ATP8B1: variants seen among roughly 807,000 people sequenced by gnomAD.
The protein encoded by ATP8B1 is phospholipid-transporting ATPase IC.
ATP8B1 carries 80 observed loss-of-function variants against 149.9 expected under a neutral mutation model. That is an observed-to-expected ratio of 0.53 (90% CI 0.45 to 0.64). The LOEUF is 0.64. Among genes scored for constraint, ATP8B1 ranks in the 30% least tolerant of loss-of-function variants. ATP8B1 has a pLI of 0.00. For missense variants in ATP8B1, 1,247 were observed against 1,552.6 expected (o/e 0.80, Z 3.31); for synonymous variants, 536 against 562.8 (o/e 0.95, Z 0.67).
intron 2 of ATP8B1, among the ~76,000 whole-genome samples, chr18:57,721,560 A>T (rs1216050676): frequency 6.6e-6 from 1 of 152,108 alleles, no homozygotes; most frequent in Admixed American, 6.6e-5. Context: ...TCCTAAATAT[A>T]TATGCACCCA....
intron 16 of ATP8B1, among the ~76,000 whole-genome samples, chr18:57,672,914 A>AAAATG (rs1568189276): frequency 3.9e-5 from 3 of 76,420 alleles, no homozygotes; most frequent in African/African-American, 1.4e-4. Flanking sequence ...ATATATATAT[A>AAAATG]TATATATATA....
At chr18:57,755,407 C>T (rs1324902613) in intron 1 of ATP8B1, 6 of 152,004 alleles carry the variant, frequency 3.9e-5, no homozygotes, top group African/African-American at 1.2e-4. Flanking sequence ...CTTGCTTCGG[C>T]AGCACATATA....
intron 1 of ATP8B1, among the ~76,000 whole-genome samples, chr18:57,756,349 G>A (rs1290937813): frequency 7.0e-6 from 1 of 143,420 alleles, no homozygotes; most frequent in Admixed American, 7.0e-5. Context: ...CACCCAGGCT[G>A]GAGTGCAGTG....
intron 1 of ATP8B1, among the ~76,000 whole-genome samples, chr18:57,780,400 T>C (rs1411343277): frequency 1.3e-5 from 2 of 152,226 alleles, no homozygotes; most frequent in African/African-American, 4.8e-5. Flanking sequence ...TATGCACAGC[T>C]GTGGGAAACA....
chr18:57,798,161 C>T lies in ATP8B1; in HGVS notation c.-26+4837G>A, dbSNP rs142556632. Among the ~76,000 whole-genome samples the T allele has an allele frequency of 1.1e-3, 172 of 152,254 alleles. 1 individual carries two copies. The highest frequency in any genetic ancestry group is 3.9e-3 in the African/African-American group (162 of 41,526). On this transcript the variant is annotated intron_variant, in intron 1 of 27. Transcript: ENST00000648908. ...TTCTCTGTCATTAGCAACGCCTACC[C>T]AGGATCCACAACTAAGAAAACCACA...
intron 1 of ATP8B1, among the ~76,000 whole-genome samples, chr18:57,768,402 A>G (rs1278281143): frequency 1.3e-5 from 2 of 149,682 alleles, no homozygotes; most frequent in African/African-American, 2.5e-5. Context: ...AAAAAAAAAA[A>G]AAAAAAAAGA....
rs543528078 is a variant in ATP8B1 at position 57,777,419 on chromosome 18, G to C, written c.-26+25579C>G. Among the ~76,000 whole-genome samples, 4 of 152,146 alleles carry C rather than the reference G, an allele frequency of 2.6e-5. No individual in the cohort carries two copies. In the South Asian group the frequency reaches 8.3e-4, roughly 32 times the overall value. On this transcript the variant is annotated intron_variant, in intron 1 of 27. Coordinates refer to ENST00000648908, the MANE Select transcript of ATP8B1 (RefSeq NM_001374385.1). Reference sequence around the variant, plus strand: ...TCAAATTCCACTGTCATTTGTTCCAGGGGAAAAAAGAAACATGAATATATA... The same window carrying C: ...TCAAATTCCACTGTCATTTGTTCCACGGGAAAAAAGAAACATGAATATATA...
chr18:57,718,322 A>G (rs2079605474), intron 2 of ATP8B1, among the ~76,000 whole-genome samples: 1 of 152,126 alleles, frequency 6.6e-6, no homozygotes, highest in Admixed American at 6.5e-5. Flanking sequence ...GAAATCCAAA[A>G]CCCAAACAGA....
intron 1 of ATP8B1, among the ~76,000 whole-genome samples, chr18:57,788,838 G>A (rs190865622): frequency 6.6e-6 from 1 of 152,268 alleles, no homozygotes; most frequent in East Asian, 1.9e-4. Context: ...GACATCTCCT[G>A]GGCTTGTTTC....
chr18:57,767,269 C>T (rs9951797), intron 1 of ATP8B1, among the ~76,000 whole-genome samples: 4,024 of 152,250 alleles, frequency 0.026, 162 homozygotes, highest in African/African-American at 0.092. Context: ...GGCAGTTGTA[C>T]ATGCCCCTCT....
intron 2 of ATP8B1, among the ~76,000 whole-genome samples, chr18:57,707,402 A>G (rs1913460758): frequency 6.6e-6 from 1 of 151,900 alleles, no homozygotes; most frequent in Non-Finnish European, 1.5e-5. Flanking sequence ...AGTGACGCAC[A>G]TAATGGAGAG....
In ATP8B1 at chr18:57,802,676, G is replaced by C. The variant is rs866857220; in HGVS notation, c.-26+322C>G. 2.6e-5 allele frequency among the ~76,000 whole-genome samples: 4 copies of C among 152,204 alleles called. No homozygotes were observed. The highest frequency in any genetic ancestry group is 2.6e-4 in the Admixed American group (4 of 15,286). ...GCAAGCCCTACCTGGCTTAACCCCC[G>C]GACATGTGTGTCGCTACCGATCGAA... On this transcript the variant is annotated intron_variant, in intron 1 of 27. Transcript: ENST00000648908. The surrounding 1 kb of genome is among the most constrained non-coding windows in gnomAD (Gnocchi z 4.9).
Position 57,686,640 on chromosome 18 carries a change from C to T in ATP8B1, c.1430-1525G>A, listed in dbSNP as rs534439175. Among the ~76,000 whole-genome samples, 17 of 152,272 alleles carry T rather than the reference C, an allele frequency of 1.1e-4. No individual in the cohort carries two copies. In the South Asian group the frequency reaches 2.7e-3, roughly 24 times the overall value. ...TTCATCATATTGGCCAGGCTGGTCTCGAACTCCTGAGCTTGTGATCCACCC... is the reference window on the plus strand; with the variant it reads ...TTCATCATATTGGCCAGGCTGGTCTTGAACTCCTGAGCTTGTGATCCACCC... On this transcript the variant is annotated intron_variant, in intron 13 of 27. Coordinates refer to ENST00000648908, the MANE Select transcript of ATP8B1 (RefSeq NM_001374385.1).
chr18:57,762,400 A>C (rs2080167021), intron 1 of ATP8B1, among the ~76,000 whole-genome samples: 4 of 152,168 alleles, frequency 2.6e-5, no homozygotes, highest in Middle Eastern at 6.8e-3. Context: ...CAGCCCCCCG[A>C]AGTGCTGAGA....
At chr18:57,771,382 C>A (rs899678989) in intron 1 of ATP8B1, among the ~76,000 whole-genome samples, 3 of 152,298 alleles carry the variant, frequency 2.0e-5, no homozygotes, top group African/African-American at 7.2e-5. Flanking sequence ...CAGCACTGGG[C>A]GTGGTGCATC....
At chr18:57,739,974 A>C (rs2079895119) in intron 1 of ATP8B1, among the ~76,000 whole-genome samples, 1 of 152,230 alleles carries the variant, frequency 6.6e-6, no homozygotes, top group South Asian at 2.1e-4. Flanking sequence ...AGAATTGGCA[A>C]ATTGCAGCCC....
At position 57,647,678 on chromosome 18, in the gene ATP8B1, C is replaced by T. The variant is rs1345323231; in HGVS notation, c.*810G>A. 6.6e-6 allele frequency: 1 copy of T among 152,644 alleles called. No individual in the cohort carries two copies. The highest frequency in any genetic ancestry group is 1.9e-4 in the East Asian group (1 of 5,198). The allele number at this position is 152,644 out of a possible 1,614,324, so 9.5% of individuals were successfully genotyped here. On this transcript the variant is annotated 3_prime_UTR_variant, in exon 28 of 28. Coordinates refer to ENST00000648908, the MANE Select transcript of ATP8B1 (RefSeq NM_001374385.1). Reference sequence around the variant, plus strand: ...GTAATTCTATTGCCCTGGATTGAGACTGGATTAAAACGTTCCCTTTCAACC... The same window carrying T: ...GTAATTCTATTGCCCTGGATTGAGATTGGATTAAAACGTTCCCTTTCAACC...
At chr18:57,703,356 A>G (rs944394679) in intron 4 of ATP8B1, among the ~76,000 whole-genome samples, 1 of 151,992 alleles carries the variant, frequency 6.6e-6, no homozygotes, top group African/African-American at 2.4e-5. Context: ...GATCACCTGA[A>G]TTCAGGAGTT....
chr18:57,678,430 G>A (rs467142), intron 15 of ATP8B1, among the ~76,000 whole-genome samples: 151,000 of 152,030 alleles, frequency 0.99, 75,006 homozygotes, highest in Middle Eastern at 1. Flanking sequence ...TACTAAAAAT[G>A]TAAAAAATTA....
Sources: gnomAD v4.1 joint callset for allele counts (sites outside exome capture counted in the v4.1 genomes callset) on GRCh38, gnomAD v4.1.1 for gene constraint, Gnocchi (gnomAD v3.1) non-coding constraint, MANE v1.5 for transcripts, NCBI Gene and HGNC (gene_info 2026-07-23, HGNC 2026-07-21) for gene names.